FLT1: variants seen among roughly 807,000 people sequenced by gnomAD.
FLT1 encodes fms related receptor tyrosine kinase 1.
In FLT1, 49 loss-of-function variants were observed where a neutral mutation model predicts 156.3. The ratio of observed to expected loss-of-function variants is 0.31; its 90% CI spans 0.25 to 0.40. FLT1 has a LOEUF of 0.40. FLT1 is among the 10% of genes least tolerant of loss of function. The pLI is 1.00. For missense variants in FLT1, 1,322 were observed against 1,637.2 expected (o/e 0.81, Z 3.32); for synonymous variants, 594 against 583.8 (o/e 1.02, Z -0.25).
At chr13:28,415,465 C>G (rs896235258) in intron 10 of FLT1, among the ~76,000 whole-genome samples, 7 of 152,032 alleles carry the variant, frequency 4.6e-5, no homozygotes, top group Non-Finnish European at 8.8e-5. Context: ...TGGGCAACAA[C>G]AGCAAAACTC....
intron 3 of FLT1, among the ~76,000 whole-genome samples, chr13:28,457,850 A>G (rs1471375462): frequency 6.6e-6 from 1 of 152,042 alleles, no homozygotes; most frequent in African/African-American, 2.4e-5. Flanking sequence ...ATTGTAGGGG[A>G]AAAATGAGAG....
At chr13:28,488,264 G>A (rs1209774690) in intron 1 of FLT1, among the ~76,000 whole-genome samples, 1 of 152,132 alleles carries the variant, frequency 6.6e-6, no homozygotes, top group Non-Finnish European at 1.5e-5. Flanking sequence ...GCTGAGCATG[G>A]TGGTACATGC....
intron 10 of FLT1, among the ~76,000 whole-genome samples, chr13:28,419,751 C>T (rs906637787): frequency 3.9e-5 from 6 of 152,136 alleles, no homozygotes; most frequent in South Asian, 2.1e-4. Context: ...TTGTGGCACG[C>T]GCCTGTAGTC....
At chr13:28,353,341 G>A (rs1872785620) in intron 15 of FLT1, among the ~76,000 whole-genome samples, 1 of 152,132 alleles carries the variant, frequency 6.6e-6, no homozygotes, top group African/African-American at 2.4e-5. Context: ...GGGAGGCCGA[G>A]GCGGGTGGAT....
intron 13 of FLT1, 36 bp from the exon 14 acceptor site, chr13:28,385,067 C>G (rs1874282047): frequency 1.2e-6 from 2 of 1,610,372 alleles, no homozygotes; most frequent in Admixed American, 3.3e-5. Flanking sequence ...GATTACTCGT[C>G]AACTTTATTC....
chr13:28,400,330 A>G (rs1875355948), intron 11 of FLT1, among the ~76,000 whole-genome samples: 1 of 152,226 alleles, frequency 6.6e-6, no homozygotes, highest in African/African-American at 2.4e-5. Flanking sequence ...GTTTGAAAAT[A>G]TATTTGATAA....
chr13:28,391,363 C>T (rs1407122820), intron 12 of FLT1, among the ~76,000 whole-genome samples: 5 of 152,214 alleles, frequency 3.3e-5, no homozygotes, highest in Admixed American at 6.5e-5. Context: ...CCATTCTCTT[C>T]AAAGTCATCC....
intron 14 of FLT1, among the ~76,000 whole-genome samples, chr13:28,361,115 C>T (rs868507678): frequency 2.3e-4 from 35 of 151,898 alleles, no homozygotes; most frequent in Middle Eastern, 3.4e-3. Context: ...CCCGTCTCTA[C>T]TAAAAATACA....
At chr13:28,311,773 A>T in intron 26 of FLT1, 41 bp from the exon 27 acceptor site, 1 of 1,607,706 alleles carries the variant, frequency 6.2e-7, no homozygotes, top group Non-Finnish European at 8.5e-7. Flanking sequence ...ACCAATTCTG[A>T]CTTCAACAAT....
chr13:28,314,339 G>A (rs1039637268), intron 25 of FLT1, among the ~76,000 whole-genome samples: 1 of 152,002 alleles, frequency 6.6e-6, no homozygotes, highest in African/African-American at 2.4e-5. Flanking sequence ...CCGATTTCTA[G>A]TTTCCACTCT....
At chr13:28,390,814 C>T (rs754389431) in intron 12 of FLT1, among the ~76,000 whole-genome samples, 8 of 152,344 alleles carry the variant, frequency 5.3e-5, no homozygotes, top group Non-Finnish European at 7.3e-5. Flanking sequence ...GGCACACTTA[C>T]GGTCAAACTT....
chr13:28,434,140 C>A lies in FLT1; in HGVS notation c.594G>T (p.Thr198=), dbSNP rs766006183. ...SRKGFIISNA[T]YKEIGLLTCE... ...AGGTCAGAAGCCCTATTTCTTTGTACGTTGCATTTGATATGATGAAGCCCT... is the reference window on the plus strand; with the variant it reads ...AGGTCAGAAGCCCTATTTCTTTGTAAGTTGCATTTGATATGATGAAGCCCT... The change falls in exon 5 of 30, where the codon ACG becomes ACT. Residue 198 remains threonine, a synonymous_variant. Coordinates refer to ENST00000282397, the MANE Select transcript of FLT1 (RefSeq NM_002019.4). 9.5e-5 allele frequency: 153 copies of A among 1,613,906 alleles called. 1 individual carries two copies. Among genetic ancestry groups the A allele is most frequent in the Admixed American group, 2.0e-4 (12 of 59,996 alleles).
At chr13:28,473,771 AAGGAAG>A (rs1880349052) in intron 1 of FLT1, among the ~76,000 whole-genome samples, 7 of 105,790 alleles carry the variant, frequency 6.6e-5, no homozygotes, top group African/African-American at 1.5e-4. Context: ...GGAAGGAAGG[AAGGAAG>A]GAAAGAAAGA....
intron 15 of FLT1, among the ~76,000 whole-genome samples, chr13:28,352,861 C>T (rs1470397611): frequency 6.6e-5 from 10 of 152,066 alleles, no homozygotes; most frequent in Admixed American, 5.9e-4. Context: ...GAGGAGCTAA[C>T]GTGGAGGGAG....
chr13:28,456,753 A>G (rs373518847), intron 3 of FLT1, among the ~76,000 whole-genome samples: 16 of 151,506 alleles, frequency 1.1e-4, no homozygotes, highest in African/African-American at 3.6e-4. Context: ...CTGAGATTGC[A>G]CCACTGCCCT....
chr13:28,327,906 T>C (rs897140463), intron 19 of FLT1, among the ~76,000 whole-genome samples: 4 of 152,150 alleles, frequency 2.6e-5, no homozygotes, highest in Non-Finnish European at 5.9e-5. Context: ...TAGAGCGGCT[T>C]CTGGTTACTG....
chr13:28,365,826 C>A lies in FLT1; in HGVS notation c.2117-8141G>T, dbSNP rs908475180. Among the ~76,000 whole-genome samples, 8 of 152,260 alleles carry A rather than the reference C, an allele frequency of 5.3e-5. No individual in the cohort carries two copies. The South Asian group carries it at 8.3e-4, about 16-fold the overall frequency. On this transcript the variant is annotated intron_variant, in intron 14 of 29. Coordinates refer to ENST00000282397, the MANE Select transcript of FLT1 (RefSeq NM_002019.4). ...TTAACCACTGAAGCCATAACAATTC[C>A]CATGGAAATTCATTATTTATTTCTC...
chr13:28,487,882 T>G (rs1881253187), intron 1 of FLT1, among the ~76,000 whole-genome samples: 1 of 152,038 alleles, frequency 6.6e-6, no homozygotes, highest in Non-Finnish European at 1.5e-5. Context: ...CCACCCATGA[T>G]TTGGTTAACC....
At chr13:28,375,471 G>A (rs904048986) in intron 14 of FLT1, among the ~76,000 whole-genome samples, 1 of 152,056 alleles carries the variant, frequency 6.6e-6, no homozygotes, top group Non-Finnish European at 1.5e-5. Context: ...CTGAACTTTG[G>A]CAATGTCAAC....
Sources: allele counts gnomAD v4.1 joint callset (sites outside exome capture counted in the v4.1 genomes callset), GRCh38; gene constraint gnomAD v4.1.1; transcripts MANE v1.5; gene names NCBI Gene and HGNC (gene_info 2026-07-23, HGNC 2026-07-21).